CREB5: variants seen among roughly 807,000 people sequenced by gnomAD.
CREB5 encodes cyclic AMP-responsive element-binding protein 5.
CREB5 carries 19 observed loss-of-function variants against 57.1 expected under a neutral mutation model. The observed-to-expected ratio is 0.33, with a 90% CI of 0.23 to 0.49. CREB5 has a LOEUF of 0.49. CREB5 is among the 20% of genes least tolerant of loss of function. The pLI, the probability that CREB5 is intolerant of heterozygous loss-of-function variation, is 0.99. For missense variants in CREB5, 579 were observed against 671.6 expected (o/e 0.86, Z 1.52); for synonymous variants, 238 against 238.3 (o/e 1.00, Z 0.01).
At chr7:28,603,519 C>A (rs539515011) in intron 5 of CREB5, among the ~76,000 whole-genome samples, 60 of 152,230 alleles carry the variant, frequency 3.9e-4, no homozygotes, top group Non-Finnish European at 5.9e-5. Flanking sequence ...CAACCAGATG[C>A]AGAACAAAGA....
chr7:28,804,294 G>A lies in CREB5; in HGVS notation c.798G>A (p.Gln266=). ...TGATGGAGATGATGGGCTCCCGGCA[G>A]GACCAGACGCCACACCATCACATGC... ...GHMMEMMGSR[Q]DQTPHHHMHS... The change falls in exon 8 of 11, where the codon CAG becomes CAA. Residue 266 remains glutamine, a synonymous_variant. Coordinates refer to ENST00000357727, the MANE Select transcript of CREB5 (RefSeq NM_182898.4). 6.2e-7 allele frequency: 1 copy of A among 1,614,010 alleles called. No individual in the cohort carries two copies. The highest frequency in any genetic ancestry group is 8.5e-7 in the Non-Finnish European group (1 of 1,179,986).
chr7:28,519,476 G>A (rs1185949517), intron 4 of CREB5, among the ~76,000 whole-genome samples: 2 of 152,144 alleles, frequency 1.3e-5, no homozygotes, highest in Non-Finnish European at 2.9e-5. Flanking sequence ...TTTGAAGATG[G>A]CGTCACTGAT....
intron 5 of CREB5, among the ~76,000 whole-genome samples, chr7:28,695,500 G>T (rs1801503817): frequency 6.6e-6 from 1 of 152,210 alleles, no homozygotes; most frequent in Admixed American, 6.5e-5. Context: ...AGGCAGCTGT[G>T]CAGAGACTCC....
At chr7:28,790,468 G>GAGAGAGAGAGAGAGAA (rs1807624716) in intron 7 of CREB5, among the ~76,000 whole-genome samples, 5 of 108,174 alleles carry the variant, frequency 4.6e-5, no homozygotes, top group African/African-American at 7.1e-5. Flanking sequence ...GAGATAGAGA[G>GAGAGAGAGAGAGAGAA]AGAGAGAAAG....
chr7:28,404,199 C>A (rs146796249), intron 1 of CREB5, among the ~76,000 whole-genome samples: 3 of 152,132 alleles, frequency 2.0e-5, no homozygotes, highest in African/African-American at 7.2e-5. Context: ...AACTATGGGC[C>A]GCCCTATCTT....
chr7:28,654,088 T>C (rs1040385551), intron 5 of CREB5, among the ~76,000 whole-genome samples: 2 of 152,200 alleles, frequency 1.3e-5, no homozygotes, highest in Admixed American at 1.3e-4. Flanking sequence ...ACATTACACC[T>C]GTGAAGTTCC....
At chr7:28,663,812 C>T (rs1207871023) in intron 5 of CREB5, among the ~76,000 whole-genome samples, 2 of 152,182 alleles carry the variant, frequency 1.3e-5, no homozygotes, top group Non-Finnish European at 2.9e-5. Context: ...CTCATTTGCT[C>T]ATAATAAACA....
chr7:28,796,299 G>A (rs927398225), intron 7 of CREB5, among the ~76,000 whole-genome samples: 1 of 152,126 alleles, frequency 6.6e-6, no homozygotes, highest in African/African-American at 2.4e-5. Flanking sequence ...GACCTTTTGT[G>A]TCTGGCTTGT....
In CREB5 at chr7:28,819,561, T is replaced by C. The variant is rs117210702; in HGVS notation, c.*282T>C. The C allele has an allele frequency of 4.4e-4, 141 of 318,822 alleles. No homozygotes were observed. The highest frequency in any genetic ancestry group is 7.4e-4 in the Non-Finnish European group (127 of 172,578). 19.7% of individuals were successfully genotyped at this position (318,822 alleles called of 1,614,324 possible). ...GTTTATAAACTGAACCTTTTCTGTA[T>C]ATAGCCATGGTTTCATTCTTATCAG... On this transcript the variant is annotated 3_prime_UTR_variant, in exon 11 of 11. Coordinates refer to ENST00000357727, the MANE Select transcript of CREB5 (RefSeq NM_182898.4).
Position 28,488,213 on chromosome 7 carries a change from G to A in CREB5, c.42G>A (p.Arg14=). Reference sequence around the variant, plus strand: ...CCAAGATGAATTTGGAGCAGGAGAGGCCGTTTGTCTGCAGTGCCCCAGGCT... The same window carrying A: ...CCAAGATGAATTTGGAGCAGGAGAGACCGTTTGTCTGCAGTGCCCCAGGCT... ...EESKMNLEQE[R]PFVCSAPGCS... The change falls in exon 2 of 11, where the codon AGG becomes AGA. Residue 14 remains arginine, a synonymous_variant. Coordinates refer to ENST00000357727, the MANE Select transcript of CREB5 (RefSeq NM_182898.4). The A allele has an allele frequency of 6.2e-7, 1 of 1,613,868 alleles. No homozygotes were observed. The highest frequency in any genetic ancestry group is 8.5e-7 in the Non-Finnish European group (1 of 1,179,870).
chr7:28,551,001 TAC>T (rs1794617089), intron 4 of CREB5, among the ~76,000 whole-genome samples: 1 of 152,186 alleles, frequency 6.6e-6, no homozygotes, highest in Non-Finnish European at 1.5e-5. Context: ...ACTTTCTGAA[TAC>T]TTGATGTGGA....
chr7:28,371,129 C>T (rs1188150116), intron 1 of CREB5, among the ~76,000 whole-genome samples: 2 of 152,268 alleles, frequency 1.3e-5, no homozygotes, highest in Admixed American at 6.5e-5. Context: ...TGGCAGACAG[C>T]GACAGCTGGG....
intron 5 of CREB5, among the ~76,000 whole-genome samples, chr7:28,637,830 G>A (rs1478000747): frequency 1.3e-5 from 2 of 152,138 alleles, no homozygotes; most frequent in Non-Finnish European, 2.9e-5. Context: ...ATTTATAGTT[G>A]TTATTTTTTA....
At chr7:28,308,843 T>C (rs1785230492) in intron 1 of CREB5, among the ~76,000 whole-genome samples, 1 of 152,228 alleles carries the variant, frequency 6.6e-6, no homozygotes. Flanking sequence ...TATATGTCCA[T>C]TTGGCTGGGC....
chr7:28,733,079 C>T (rs10269539), intron 7 of CREB5, among the ~76,000 whole-genome samples: 47,919 of 151,880 alleles, frequency 0.32, 8,213 homozygotes, highest in Middle Eastern at 0.4. Flanking sequence ...TTCAAAACAG[C>T]ATACACAGTC....
intron 4 of CREB5, among the ~76,000 whole-genome samples, chr7:28,510,552 G>A (rs1419672565): frequency 6.6e-6 from 1 of 152,200 alleles, no homozygotes; most frequent in South Asian, 2.1e-4. Context: ...GCTGCAGTTG[G>A]TCTAGAAAAT....
chr7:28,557,225 A>AAAGCATCAC (rs1275828502), intron 4 of CREB5, among the ~76,000 whole-genome samples: 3 of 128,444 alleles, frequency 2.3e-5, no homozygotes, highest in African/African-American at 8.3e-5. Flanking sequence ...TTCTCAGACT[A>AAAGCATCAC]AAGCATCACC....
intron 5 of CREB5, among the ~76,000 whole-genome samples, chr7:28,613,542 G>A (rs552635925): frequency 8.5e-5 from 13 of 152,196 alleles, no homozygotes; most frequent in Non-Finnish European, 1.3e-4. Flanking sequence ...GAATGATTGC[G>A]ACCTTAGATT....
At chr7:28,393,732 A>C (rs575321826) in intron 1 of CREB5, among the ~76,000 whole-genome samples, 1 of 152,310 alleles carries the variant, frequency 6.6e-6, no homozygotes, top group Admixed American at 6.5e-5. Flanking sequence ...GGAATTGGGA[A>C]TTCTCTGTTA....
Sources: gnomAD v4.1 joint callset for allele counts (sites outside exome capture counted in the v4.1 genomes callset) on GRCh38, gnomAD v4.1.1 for gene constraint, MANE v1.5 for transcripts, NCBI Gene and HGNC (gene_info 2026-07-23, HGNC 2026-07-21) for gene names.